The following PTCHD4 variants were observed in gnomAD, a reference collection of about 807,000 sequenced individuals.
The protein encoded by PTCHD4 is patched domain-containing protein 4.
In PTCHD4, 33 loss-of-function variants were observed where a neutral mutation model predicts 58.1. That is an observed-to-expected ratio of 0.57 (90% CI 0.43 to 0.76). PTCHD4 has a LOEUF of 0.76. Ranked by LOEUF, PTCHD4 falls within the 30% of genes least tolerant of loss-of-function variation. The probability of loss-of-function intolerance (pLI) is 0.00; values close to 1 mark genes in which losing one functional copy is unlikely to be tolerated. For missense variants in PTCHD4, 1,058 were observed against 1,027.1 expected (o/e 1.03, Z -0.41); for synonymous variants, 478 against 409.6 (o/e 1.17, Z -2.02).
intron 4 of PTCHD4, among the ~76,000 whole-genome samples, chr6:48,008,088 T>C (rs956789975): frequency 5.3e-5 from 8 of 152,206 alleles, no homozygotes; most frequent in African/African-American, 1.4e-4. Flanking sequence ...AATTAGAGGA[T>C]ATTTCTAAGT....
intron 4 of PTCHD4, among the ~76,000 whole-genome samples, chr6:47,910,954 ATCT>A (rs1310030045): frequency 6.6e-6 from 1 of 152,172 alleles, no homozygotes; most frequent in Non-Finnish European, 1.5e-5. Flanking sequence ...GGCAAAGCAC[ATCT>A]TCTTAGTGAA....
intron 3 of PTCHD4, among the ~76,000 whole-genome samples, chr6:48,064,993 C>T (rs1764748806): frequency 6.6e-6 from 1 of 152,090 alleles, no homozygotes; most frequent in African/African-American, 2.4e-5. Context: ...CCAGTTTTAT[C>T]TAAGCCTCTA....
chr6:48,087,827 G>A (rs9473230), intron 1 of PTCHD4, among the ~76,000 whole-genome samples: 23,470 of 152,134 alleles, frequency 0.15, 1,842 homozygotes, highest in African/African-American at 0.19. Context: ...AGTTAGGCCA[G>A]TAAGACAAGG....
At chr6:47,970,209 T>A (rs1210185309) in intron 4 of PTCHD4, among the ~76,000 whole-genome samples, 1 of 152,172 alleles carries the variant, frequency 6.6e-6, no homozygotes, top group Non-Finnish European at 1.5e-5. Flanking sequence ...GCACATGCAT[T>A]TAAGTCTGCT....
At chr6:47,971,346 T>C (rs1313374896) in intron 4 of PTCHD4, among the ~76,000 whole-genome samples, 1 of 148,504 alleles carries the variant, frequency 6.7e-6, no homozygotes, top group African/African-American at 2.5e-5. Flanking sequence ...AAAAAAAAAA[T>C]CCCTCTAGAA....
chr6:48,057,500 A>G (rs1325353038), intron 3 of PTCHD4, among the ~76,000 whole-genome samples: 1 of 152,234 alleles, frequency 6.6e-6, no homozygotes, highest in Non-Finnish European at 1.5e-5. Flanking sequence ...CATTTATAAC[A>G]CAAGTTAGAT....
rs1007159210 is a variant in PTCHD4 at position 47,876,776 on chromosome 6, G to A, written c.*1527C>T. Among the ~76,000 whole-genome samples, 2 of 151,990 alleles carry A rather than the reference G, an allele frequency of 1.3e-5. No homozygotes were observed. Among genetic ancestry groups the A allele is most frequent in the Non-Finnish European group, 2.9e-5 (2 of 67,956 alleles). On this transcript the variant is annotated 3_prime_UTR_variant, in exon 5 of 5. Coordinates refer to ENST00000339488, the MANE Select transcript of PTCHD4 (RefSeq NM_001384253.1). ...AAAAGGCATTTTCTAGTAATTTCCT[G>A]TGACAGGAGGCACAGCAATAGTCCA...
intron 3 of PTCHD4, among the ~76,000 whole-genome samples, chr6:48,015,159 T>G (rs1010755697): frequency 1.9e-4 from 29 of 151,962 alleles, no homozygotes; most frequent in Admixed American, 9.8e-4. Context: ...GCTAACATGC[T>G]GTTTTCAATG....
intron 3 of PTCHD4, among the ~76,000 whole-genome samples, chr6:48,052,366 T>C (rs1013861784): frequency 6.6e-6 from 1 of 150,772 alleles, no homozygotes; most frequent in Non-Finnish European, 1.5e-5. Context: ...AAAAAAGGAA[T>C]GACTGGTTCT....
At chr6:47,949,356 A>G (rs993996738) in intron 4 of PTCHD4, among the ~76,000 whole-genome samples, 5 of 152,174 alleles carry the variant, frequency 3.3e-5, no homozygotes, top group Non-Finnish European at 5.9e-5. Flanking sequence ...ATTAAAAGAT[A>G]TGACCAGGTG....
intron 1 of PTCHD4, among the ~76,000 whole-genome samples, chr6:48,086,715 T>C (rs537622265): frequency 1.8e-3 from 268 of 152,276 alleles, no homozygotes; most frequent in Middle Eastern, 6.8e-3. Flanking sequence ...TTTCTTATTT[T>C]CATGGGGGAA....
chr6:47,901,393 C>A (rs1227920906), intron 4 of PTCHD4: 1 of 953,548 alleles, frequency 1.0e-6, no homozygotes, highest in Non-Finnish European at 1.2e-6. Flanking sequence ...ATTACTCTTT[C>A]CTTTAAATCT....
chr6:47,955,662 T>C (rs1020712550), intron 4 of PTCHD4, among the ~76,000 whole-genome samples: 3 of 152,196 alleles, frequency 2.0e-5, no homozygotes, highest in African/African-American at 7.2e-5. Flanking sequence ...TAGAATATTA[T>C]AAACAATATA....
At position 47,868,040 on chromosome 6, in the gene PTCHD4, G is replaced by A. The variant is rs977042114; in HGVS notation, c.*10263C>T. ...TTTTTGGAGACTTAGATATGTCAGG[G>A]TTTTTCTGAAACTTTCCAATGTGTT... is the stretch of plus-strand genomic sequence containing the variant. On this transcript the variant is annotated 3_prime_UTR_variant, in exon 5 of 5. Transcript: ENST00000339488. Among the ~76,000 whole-genome samples the A allele has an allele frequency of 6.6e-6, 1 of 151,614 alleles. No individual in the cohort carries two copies. The highest frequency in any genetic ancestry group is 1.5e-5 in the Non-Finnish European group (1 of 67,764).
At chr6:47,899,442 T>C (rs1159896647) in intron 4 of PTCHD4, among the ~76,000 whole-genome samples, 1 of 152,206 alleles carries the variant, frequency 6.6e-6, no homozygotes, top group Non-Finnish European at 1.5e-5. Context: ...CTCCATAACA[T>C]AGGTGGAATG....
At chr6:47,936,175 G>T (rs979023991) in intron 4 of PTCHD4, among the ~76,000 whole-genome samples, 1 of 152,176 alleles carries the variant, frequency 6.6e-6, no homozygotes, top group Non-Finnish European at 1.5e-5. Flanking sequence ...TATTGCAGTC[G>T]ACTAGGTGAA....
intron 4 of PTCHD4, chr6:47,901,312 C>G (rs1581850029): frequency 2.3e-6 from 1 of 429,460 alleles, no homozygotes; most frequent in South Asian, 9.8e-5. Flanking sequence ...AGTTTTCCTT[C>G]CTTGTGATGT....
chr6:47,901,760 G>A (rs1764712640), intron 4 of PTCHD4: 2 of 1,230,488 alleles, frequency 1.6e-6, no homozygotes, highest in South Asian at 2.9e-5. Context: ...TGGTATTGGT[G>A]GTGATGATGA....
intron 3 of PTCHD4, among the ~76,000 whole-genome samples, chr6:48,030,728 A>G (rs1763403327): frequency 1.3e-5 from 2 of 152,182 alleles, no homozygotes; most frequent in African/African-American, 4.8e-5. Flanking sequence ...TAATAAAATA[A>G]GTTTTTCTTT....
Sources: allele counts gnomAD v4.1 joint callset (sites outside exome capture counted in the v4.1 genomes callset), GRCh38; gene constraint gnomAD v4.1.1; transcripts MANE v1.5; gene names NCBI Gene and HGNC (gene_info 2026-07-23, HGNC 2026-07-21).